CENPE: variants seen among roughly 807,000 people sequenced by gnomAD.
CENPE encodes the protein centromere protein E.
In CENPE, 145 loss-of-function variants were observed where a neutral mutation model predicts 336.1. The observed-to-expected ratio is 0.43, with a 90% confidence interval of 0.38 to 0.50. The LOEUF (loss-of-function observed/expected upper bound fraction) is 0.50, where lower values mean the gene tolerates loss of function less well. Ranked by LOEUF, CENPE falls within the 20% of genes least tolerant of loss-of-function variation. The pLI is 0.00. For missense variants in CENPE, 2,719 were observed against 3,023.3 expected (o/e 0.90, Z 2.36); for synonymous variants, 1,013 against 984.8 (o/e 1.03, Z -0.54).
chr4:103,187,990 C>A (rs1208812953), intron 8 of CENPE, among the ~76,000 whole-genome samples: 1 of 151,906 alleles, frequency 6.6e-6, no homozygotes, highest in African/African-American at 2.4e-5. Context: ...GCAGGGGTTG[C>A]AATCCTAGTC....
intron 47 of CENPE, among the ~76,000 whole-genome samples, chr4:103,110,155 A>G (rs1340680134): frequency 1.3e-5 from 2 of 152,212 alleles, no homozygotes; most frequent in Non-Finnish European, 2.9e-5. Context: ...AATAAAGTGA[A>G]TCGCGGAAAT....
chr4:103,140,573 C>G (rs1273073165), intron 36 of CENPE, among the ~76,000 whole-genome samples, 159 bp from the exon 37 acceptor site: 1 of 152,120 alleles, frequency 6.6e-6, no homozygotes, highest in Non-Finnish European at 1.5e-5. Context: ...AAATTTTCTG[C>G]TGGTAGCCTC....
At chr4:103,177,972 T>G (rs896497558) in intron 13 of CENPE, among the ~76,000 whole-genome samples, 2 of 152,066 alleles carry the variant, frequency 1.3e-5, no homozygotes, top group Non-Finnish European at 2.9e-5. Context: ...AATCATTAAT[T>G]TAGTTAATCC....
At chr4:103,158,975 A>C (rs781377921) in intron 22 of CENPE, 35 bp downstream of exon 22, 3 of 1,532,824 alleles carry the variant, frequency 2.0e-6, no homozygotes, top group South Asian at 1.3e-5. Flanking sequence ...CCAGAAGACT[A>C]AGGAGCATTT....
chr4:103,167,300 T>C (rs983249434), intron 16 of CENPE, among the ~76,000 whole-genome samples: 3 of 152,080 alleles, frequency 2.0e-5, no homozygotes, highest in African/African-American at 4.8e-5. Context: ...ATACAAACTA[T>C]AAGGAAACAA....
chr4:103,115,713 G>C (rs1750034059), intron 45 of CENPE, among the ~76,000 whole-genome samples: 1 of 151,424 alleles, frequency 6.6e-6, no homozygotes. Context: ...TGATGCATTA[G>C]TAAGTGAGAA....
chr4:103,167,038 T>C (rs938828991), intron 16 of CENPE, among the ~76,000 whole-genome samples: 1 of 152,198 alleles, frequency 6.6e-6, no homozygotes, highest in Non-Finnish European at 1.5e-5. Context: ...ATTATAACTA[T>C]TTAGTATTAG....
intron 12 of CENPE, among the ~76,000 whole-genome samples, chr4:103,180,725 T>C (rs1275671499): frequency 6.6e-6 from 1 of 152,176 alleles, no homozygotes. Context: ...CCAATGCTGT[T>C]AATATAACTC....
chr4:103,187,269 G>A (rs911049576), intron 8 of CENPE, among the ~76,000 whole-genome samples: 16 of 151,966 alleles, frequency 1.1e-4, no homozygotes, highest in Non-Finnish European at 1.6e-4. Context: ...TGTTCATTAC[G>A]TTTTATCAAA....
At chr4:103,116,417 C>T in intron 45 of CENPE, 160 bp downstream of exon 45, 1 of 446,266 alleles carries the variant, frequency 2.2e-6, no homozygotes, top group Non-Finnish European at 4.0e-6. Flanking sequence ...GTAATGAGAC[C>T]AGTATATTTA....
intron 32 of CENPE, 90 bp downstream of exon 32, chr4:103,144,959 GA>G (rs1194100568): frequency 1.7e-6 from 2 of 1,208,578 alleles, no homozygotes; most frequent in East Asian, 2.4e-5. Context: ...ATGATTAGAG[GA>G]AAATTAATAA....
chr4:103,120,482 A>G, intron 43 of CENPE, 149 bp from the exon 44 acceptor site: 1 of 614,182 alleles, frequency 1.6e-6, no homozygotes, highest in Non-Finnish European at 2.7e-6. Flanking sequence ...ACATCATTCA[A>G]TCTACAGACA....
At chr4:103,166,193 C>T (rs1429703914) in intron 16 of CENPE, among the ~76,000 whole-genome samples, 2 of 152,164 alleles carry the variant, frequency 1.3e-5, no homozygotes, top group Admixed American at 6.5e-5. Flanking sequence ...CAGAAGGGAC[C>T]TTGGTGAGCA....
rs1757202654 is a variant in CENPE, at chr4:103,190,445, A to G, written c.693+3784T>C. 2.6e-5 allele frequency among the ~76,000 whole-genome samples: 4 copies of G among 152,296 alleles called. No individual in the cohort carries two copies. In the South Asian group the frequency reaches 8.3e-4, roughly 32 times the overall value. On this transcript the variant is annotated intron_variant, in intron 8 of 48. Transcript: ENST00000265148. ...GCATGGTACTAGTACCAAAACAGAGATATAGACCAATGGAAAGGAACAGAG... is the reference window on the plus strand; with the variant it reads ...GCATGGTACTAGTACCAAAACAGAGGTATAGACCAATGGAAAGGAACAGAG...
At chr4:103,196,662 T>C (rs1481600851) in intron 2 of CENPE, 97 bp downstream of exon 2, 3 of 659,026 alleles carry the variant, frequency 4.6e-6, no homozygotes. Context: ...AGGCTTAGTC[T>C]AATCTTTAGT....
At chr4:103,113,183 T>C (rs1749718264) in intron 46 of CENPE, among the ~76,000 whole-genome samples, 1 of 135,842 alleles carries the variant, frequency 7.4e-6, no homozygotes, top group South Asian at 2.2e-4. Context: ...TATAAGTGTA[T>C]ATATACTTAT....
chr4:103,131,286 T>C (rs183616380), intron 42 of CENPE, among the ~76,000 whole-genome samples: 1 of 152,300 alleles, frequency 6.6e-6, no homozygotes, highest in African/African-American at 2.4e-5. Context: ...GCAACAGACC[T>C]GAACAGACAC....
intron 21 of CENPE, 136 bp from the exon 22 acceptor site, chr4:103,159,460 A>G (rs1014848424): frequency 4.1e-6 from 2 of 493,684 alleles, no homozygotes; most frequent in Non-Finnish European, 7.0e-6. Context: ...AAGGCAATAT[A>G]GTAGTACTCT....
chr4:103,123,464 T>C (rs1179916602), intron 42 of CENPE, among the ~76,000 whole-genome samples: 2 of 152,194 alleles, frequency 1.3e-5, no homozygotes, highest in Non-Finnish European at 2.9e-5. Context: ...GCTGGCAATT[T>C]AGATATGCCA....
Sources: allele counts gnomAD v4.1 joint callset (sites outside exome capture counted in the v4.1 genomes callset), GRCh38; gene constraint gnomAD v4.1.1; transcripts MANE v1.5; gene names NCBI Gene and HGNC (gene_info 2026-07-23, HGNC 2026-07-21).